NDUFAF1: variants seen among roughly 807,000 people sequenced by gnomAD.
NDUFAF1 encodes the protein complex I intermediate-associated protein 30, mitochondrial.
In NDUFAF1, 18 loss-of-function variants were observed where a neutral mutation model predicts 28.7. The observed-to-expected ratio is 0.63, with a 90% CI of 0.43 to 0.93. The LOEUF is 0.93. NDUFAF1 is among the 40% of genes least tolerant of loss of function. The pLI is 0.00. For synonymous variants in NDUFAF1, 113 were observed against 139.7 expected (o/e 0.81, Z 1.35); for missense variants, 404 against 398.3 (o/e 1.01, Z -0.12).
At chr15:41,396,029 A>G (rs1192213337) in intron 2 of NDUFAF1, among the ~76,000 whole-genome samples, 2 of 150,598 alleles carry the variant, frequency 1.3e-5, no homozygotes, top group Admixed American at 1.3e-4. Context: ...CGGAAGTTGC[A>G]GTGAGCCGAG....
intron 3 of NDUFAF1, chr15:41,393,990 T>A (rs1416867991): frequency 1.1e-5 from 3 of 285,646 alleles, no homozygotes; most frequent in Non-Finnish European, 2.0e-5. Flanking sequence ...ATTACAGACA[T>A]GAGCCACCAC....
chr15:41,387,795 TCTC>T (rs1271524985), intron 4 of NDUFAF1, among the ~76,000 whole-genome samples: 1 of 152,044 alleles, frequency 6.6e-6, no homozygotes. Flanking sequence ...CTTCCTCCCC[TCTC>T]CTCATTAGGT....
chr15:41,398,482 A>G (rs576204307), intron 1 of NDUFAF1, among the ~76,000 whole-genome samples: 46 of 136,962 alleles, frequency 3.4e-4, no homozygotes, highest in African/African-American at 7.6e-4. Context: ...ATTCCATGTG[A>G]AAAAAAAAAA....
At chr15:41,395,069 T>A in intron 2 of NDUFAF1, 25 bp from the exon 3 acceptor site, 1 of 1,605,758 alleles carries the variant, frequency 6.2e-7, no homozygotes, top group Non-Finnish European at 8.5e-7. Context: ...GTAAAGTTCA[T>A]TGTACCTCAT....
intron 2 of NDUFAF1, among the ~76,000 whole-genome samples, chr15:41,395,563 G>A (rs1311816248): frequency 6.6e-6 from 1 of 150,902 alleles, no homozygotes; most frequent in Non-Finnish European, 1.5e-5. Flanking sequence ...GTAGAGACGG[G>A]GTTTCACCGT....
intron 3 of NDUFAF1, among the ~76,000 whole-genome samples, chr15:41,388,934 TAG>T (rs2050285505): frequency 6.6e-6 from 1 of 152,110 alleles, no homozygotes; most frequent in South Asian, 2.1e-4. Context: ...CTTCCTACAT[TAG>T]AAACTGAACT....
At chr15:41,395,527 A>G (rs1229775933) in intron 2 of NDUFAF1, among the ~76,000 whole-genome samples, 5 of 148,548 alleles carry the variant, frequency 3.4e-5, no homozygotes, top group East Asian at 2.0e-4. Context: ...CCAAAACCAC[A>G]CCCGGCTAAT....
At chr15:41,396,454 A>C in intron 2 of NDUFAF1, 33 bp downstream of exon 2, 1 of 1,595,254 alleles carries the variant, frequency 6.3e-7, no homozygotes, top group Non-Finnish European at 8.6e-7. Context: ...ACCCCTGTTT[A>C]CTAGAAAACG....
chr15:41,400,992 G>A (rs925182746), intron 1 of NDUFAF1, among the ~76,000 whole-genome samples: 7 of 148,730 alleles, frequency 4.7e-5, no homozygotes, highest in Non-Finnish European at 1.0e-4. Context: ...TTTTTGAGAC[G>A]GAGTCTTGCT....
In NDUFAF1 at chr15:41,397,643, CA is replaced by C. The variant is rs1393325530; in HGVS notation, c.-81-504del. On this transcript the variant is annotated intron_variant, in intron 1 of 4. Transcript: ENST00000260361. The stretch of plus-strand genomic sequence containing the variant: ...TGAAACCCCGTCTCTACTAAAAATA[CA>C]AAAAATTAGCCGGGTGTGGTGGCGG... Among the ~76,000 whole-genome samples, 462 of 150,426 alleles carry C rather than the reference CA, an allele frequency of 3.1e-3. 7 individuals are homozygous for C. The highest frequency in any genetic ancestry group is 0.011 in the African/African-American group (434 of 40,120).
Position 41,402,274 on chromosome 15 carries a change from G to C in NDUFAF1, c.-212C>G, listed in dbSNP as rs1234778457. ...GGCTAATTTACCCGAGGTCACACAG[G>C]TAGTGAGTGGCAAAATTCTTCCGCC... is the stretch of plus-strand genomic sequence containing the variant. On this transcript the variant is annotated 5_prime_UTR_variant, in exon 1 of 5. Coordinates refer to ENST00000260361, the MANE Select transcript of NDUFAF1 (RefSeq NM_016013.4). The C allele has an allele frequency of 2.2e-6, 1 of 454,098 alleles. No homozygotes were observed. The highest frequency in any genetic ancestry group is 4.4e-6 in the Non-Finnish European group (1 of 226,790). 28.1% of individuals were successfully genotyped at this position (454,098 alleles called of 1,614,324 possible).
At chr15:41,392,598 GCT>G (rs1223403679) in intron 3 of NDUFAF1, among the ~76,000 whole-genome samples, 1 of 151,988 alleles carries the variant, frequency 6.6e-6, no homozygotes, top group African/African-American at 2.4e-5. Flanking sequence ...CCTTCATTCG[GCT>G]CTCATTCTCT....
At chr15:41,390,679 C>G (rs1220272448) in intron 3 of NDUFAF1, among the ~76,000 whole-genome samples, 2 of 149,378 alleles carry the variant, frequency 1.3e-5, no homozygotes, top group East Asian at 4.0e-4. Flanking sequence ...GAGCAGAGAT[C>G]GTGCCACTGC....
rs756628573 is a variant in NDUFAF1 at position 41,397,040 on chromosome 15, A to C, written c.20T>G (p.Leu7Trp). The part of the protein sequence containing the change: MALVHK[L>W]LRGTYFLRKF... Reference sequence around the variant, plus strand: ...TCTGAGAAAATAAGTACCACGCAGCAATTTGTGAACCAAAGCCATGGTACA... The same window carrying C: ...TCTGAGAAAATAAGTACCACGCAGCCATTTGTGAACCAAAGCCATGGTACA... The change falls in exon 2 of 5, where the codon TTG (leucine) becomes TGG (tryptophan). Residue 7 changes from leucine (L) to tryptophan (W), a missense_variant. Transcript: ENST00000260361. The C allele has an allele frequency of 6.2e-7, 1 of 1,613,530 alleles. No individual in the cohort carries two copies. The highest frequency in any genetic ancestry group is 2.2e-5 in the East Asian group (1 of 44,878).
chr15:41,397,167 T>C (rs1294041349), intron 1 of NDUFAF1, 27 bp from the exon 2 acceptor site: 2 of 869,730 alleles, frequency 2.3e-6, no homozygotes, highest in Non-Finnish European at 3.7e-6. Context: ...ATTGAAGAAT[T>C]ATCAGCATAG....
At position 41,395,650 on chromosome 15, in the gene NDUFAF1, A is replaced by C. The variant is rs148393003; in HGVS notation, c.574-606T>G. Among the ~76,000 whole-genome samples the C allele has an allele frequency of 3.5e-5, 5 of 142,452 alleles. No individual in the cohort carries two copies. The East Asian group carries it at 1.1e-3, about 31-fold the overall frequency. 93.5% of individuals were successfully genotyped at this position (142,452 alleles called of 152,430 possible). On this transcript the variant is annotated intron_variant, in intron 2 of 4. Coordinates refer to ENST00000260361, the MANE Select transcript of NDUFAF1 (RefSeq NM_016013.4). ...CACCCAAAGTGTGGGGATTACAGGC[A>C]TGAGCCACTGCGCCCGGCCTTTTTT...
chr15:41,395,662 G>A (rs1020961301), intron 2 of NDUFAF1, among the ~76,000 whole-genome samples: 136 of 133,044 alleles, frequency 1.0e-3, no homozygotes, highest in Admixed American at 1.2e-3. Flanking sequence ...GAGCCACTGC[G>A]CCCGGCCTTT....
chr15:41,389,249 ATTT>A (rs749169325), intron 3 of NDUFAF1, among the ~76,000 whole-genome samples: 10 of 117,118 alleles, frequency 8.5e-5, no homozygotes, highest in Non-Finnish European at 5.2e-5. Context: ...CACCCGGCTA[ATTT>A]TTTTTTTTTT....
At position 41,402,455 on chromosome 15, in the gene NDUFAF1, G is replaced by A. The variant is rs1239276206; in HGVS notation, c.-393C>T. The A allele has an allele frequency of 2.4e-6, 1 of 424,682 alleles. No individual in the cohort carries two copies. The highest frequency in any genetic ancestry group is 2.0e-5 in the African/African-American group (1 of 49,232). The allele number at this position is 424,682 out of a possible 1,614,324, so 26.3% of individuals were successfully genotyped here. A position where few individuals can be genotyped will look rare whatever the true frequency, so the allele number is the denominator to read the frequency against. On this transcript the variant is annotated 5_prime_UTR_variant, in exon 1 of 5. Transcript: ENST00000260361. ...GGCCTGCCGCCGCTTACCTCCCCGA[G>A]CCTATAGTGTACCTTCCGCCCAGAA...
Sources: allele counts gnomAD v4.1 joint callset (sites outside exome capture counted in the v4.1 genomes callset), GRCh38; gene constraint gnomAD v4.1.1; transcripts MANE v1.5; gene names NCBI Gene and HGNC (gene_info 2026-07-23, HGNC 2026-07-21).